CDH12: variants seen among roughly 807,000 people sequenced by gnomAD.
CDH12 encodes the protein cadherin 12, also known as cadherin-12.
CDH12 carries 41 observed loss-of-function variants against 74.1 expected under a neutral mutation model. That is an observed-to-expected ratio of 0.55 (90% CI 0.43 to 0.72). The LOEUF (loss-of-function observed/expected upper bound fraction) is 0.72, where lower values mean the gene tolerates loss of function less well. Among genes scored for constraint, CDH12 ranks in the 30% least tolerant of loss-of-function variants. CDH12 has a pLI of 0.00. For synonymous variants in CDH12, 399 were observed against 355.0 expected, an observed-to-expected ratio of 1.12 and a Z score of -1.39; for missense variants, 945 against 977.2, an observed-to-expected ratio of 0.97 and a Z score of 0.44.
Position 22,165,513 on chromosome 5 carries a change from T to TACACAC in CDH12, c.-187+46979_-187+46984dup, listed in dbSNP as rs375658781. On this transcript the variant is annotated intron_variant, in intron 4 of 14. Coordinates refer to ENST00000382254, the MANE Select transcript of CDH12 (RefSeq NM_004061.5). ...ATACACATACACATACACACACACA[T>TACACAC]ACACACACACACACACACAGACATT... 3.0e-4 allele frequency among the ~76,000 whole-genome samples: 16 copies of TACACAC among 53,846 alleles called. No individual in the cohort carries two copies. In the East Asian group the frequency reaches 7.1e-3, roughly 24 times the overall value. The allele number at this position is 53,846 out of a possible 152,430, so 35.3% of individuals were successfully genotyped here. A position where few individuals can be genotyped will look rare whatever the true frequency, so the allele number is the denominator to read the frequency against.
At chr5:21,849,737 T>C (rs1750364931) in intron 7 of CDH12, among the ~76,000 whole-genome samples, 1 of 151,764 alleles carries the variant, frequency 6.6e-6, no homozygotes, top group Admixed American at 6.6e-5. Flanking sequence ...GTTCTACAGA[T>C]TTTATTCTGA....
intron 4 of CDH12, among the ~76,000 whole-genome samples, chr5:22,132,304 A>G (rs1379337192): frequency 6.6e-6 from 1 of 151,964 alleles, no homozygotes; most frequent in Non-Finnish European, 1.5e-5. Context: ...GAAGTGATTG[A>G]GAGCACAGAG....
intron 5 of CDH12, among the ~76,000 whole-genome samples, chr5:22,068,143 G>C (rs1741691794): frequency 1.3e-5 from 2 of 152,084 alleles, no homozygotes; most frequent in Admixed American, 1.3e-4. Flanking sequence ...CATAAAGTTA[G>C]GTGAGCACAG....
chr5:22,151,690 A>G (rs540133903), intron 4 of CDH12, among the ~76,000 whole-genome samples: 9 of 152,326 alleles, frequency 5.9e-5, no homozygotes, highest in African/African-American at 2.2e-4. Flanking sequence ...AAGCAATTCC[A>G]AGACTGAAGA....
At chr5:22,251,216 G>A (rs1753119655) in intron 3 of CDH12, among the ~76,000 whole-genome samples, 1 of 152,150 alleles carries the variant, frequency 6.6e-6, no homozygotes, top group African/African-American at 2.4e-5. Flanking sequence ...GGATGAGACT[G>A]GAGTCACATT....
chr5:22,809,093 A>G (rs1053901330), intron 1 of CDH12, among the ~76,000 whole-genome samples: 2 of 152,074 alleles, frequency 1.3e-5, no homozygotes, highest in Admixed American at 6.5e-5. Context: ...AAGGCAAAAA[A>G]AAAAACTGTG....
intron 3 of CDH12, among the ~76,000 whole-genome samples, chr5:22,276,009 G>T (rs1315830242): frequency 6.6e-6 from 1 of 151,880 alleles, no homozygotes; most frequent in East Asian, 1.9e-4. Context: ...GACAACTATT[G>T]TTGGAATTGC....
intron 3 of CDH12, among the ~76,000 whole-genome samples, chr5:22,287,960 A>G (rs890570982): frequency 1.3e-5 from 2 of 152,300 alleles, no homozygotes; most frequent in African/African-American, 2.4e-5. Flanking sequence ...TTTAGCACAC[A>G]TTTGAATTGT....
rs1486838650 is a variant in CDH12, at chr5:21,751,160, TAGA to T, written c.*574_*576del. 3 of 152,704 alleles carry T rather than the reference TAGA, an allele frequency of 2.0e-5. No individual in the cohort carries two copies. The highest frequency in any genetic ancestry group is 7.2e-5 in the African/African-American group (3 of 41,448). 9.5% of individuals were successfully genotyped at this position (152,704 alleles called of 1,614,324 possible). Reference sequence around the variant, plus strand: ...AAAAGAAAAAGAAAACCTTTTGAATTAGAAGAAGGTGGAGATCAGAAAGTGTTC... The same window carrying T: ...AAAAGAAAAAGAAAACCTTTTGAATTAGAAGGTGGAGATCAGAAAGTGTTC... On this transcript the variant is annotated 3_prime_UTR_variant, in exon 15 of 15. Coordinates refer to ENST00000382254, the MANE Select transcript of CDH12 (RefSeq NM_004061.5).
chr5:22,782,350 G>A (rs1417060929), intron 1 of CDH12, among the ~76,000 whole-genome samples: 2 of 152,270 alleles, frequency 1.3e-5, no homozygotes, highest in South Asian at 2.1e-4. Flanking sequence ...GATCATGGGG[G>A]TGGTTTCCCC....
At chr5:22,336,118 C>T (rs1252139942) in intron 3 of CDH12, among the ~76,000 whole-genome samples, 2 of 152,006 alleles carry the variant, frequency 1.3e-5, no homozygotes, top group African/African-American at 4.8e-5. Flanking sequence ...GGCATTTTGC[C>T]CCTGTCCTAG....
chr5:22,187,664 A>T (rs1465984892), intron 4 of CDH12, among the ~76,000 whole-genome samples: 1 of 124,932 alleles, frequency 8.0e-6, no homozygotes, highest in Non-Finnish European at 1.9e-5. Context: ...GAAAAAAAAA[A>T]GAAAGAAAGA....
chr5:21,893,081 G>C (rs939435833), intron 6 of CDH12, among the ~76,000 whole-genome samples: 1 of 152,012 alleles, frequency 6.6e-6, no homozygotes, highest in Non-Finnish European at 1.5e-5. Flanking sequence ...AAGTTCTCCC[G>C]CATCTTGCTC....
intron 3 of CDH12, among the ~76,000 whole-genome samples, chr5:22,350,594 C>A (rs1054187723): frequency 2.6e-5 from 4 of 152,008 alleles, no homozygotes; most frequent in African/African-American, 9.7e-5. Context: ...TATAACAGGA[C>A]CTTATTTACT....
At chr5:21,803,877 T>TTATGCAGAGGAAATG (rs1374907088) in intron 9 of CDH12, among the ~76,000 whole-genome samples, 5 of 152,268 alleles carry the variant, frequency 3.3e-5, no homozygotes, top group East Asian at 3.9e-4. Context: ...TTTTATGCAT[T>TTATGCAGAGGAAATG]TCCTCTGAGG....
intron 4 of CDH12, among the ~76,000 whole-genome samples, chr5:22,153,151 C>T (rs917515553): frequency 1.9e-4 from 28 of 149,990 alleles, no homozygotes; most frequent in African/African-American, 5.4e-4. Flanking sequence ...CTGGGTCATA[C>T]GATAGTTCTT....
At chr5:21,924,287 G>A (rs528558451) in intron 6 of CDH12, among the ~76,000 whole-genome samples, 6 of 152,226 alleles carry the variant, frequency 3.9e-5, no homozygotes, top group South Asian at 2.1e-4. Flanking sequence ...CAGCACTTTC[G>A]AAGGCCGAGG....
At chr5:22,090,801 G>A (rs942745535) in intron 4 of CDH12, among the ~76,000 whole-genome samples, 2 of 151,962 alleles carry the variant, frequency 1.3e-5, no homozygotes, top group African/African-American at 4.8e-5. Context: ...TAATACCCAT[G>A]TCAATAGAAT....
intron 1 of CDH12, among the ~76,000 whole-genome samples, chr5:22,545,926 T>TTG (rs1738305550): frequency 6.6e-6 from 1 of 151,216 alleles, no homozygotes; most frequent in East Asian, 2.0e-4. Flanking sequence ...TGTCTAGATT[T>TTG]TTGTTGTTGT....
Sources: allele counts gnomAD v4.1 joint callset (sites outside exome capture counted in the v4.1 genomes callset), GRCh38; gene constraint gnomAD v4.1.1; transcripts MANE v1.5; gene names NCBI Gene and HGNC (gene_info 2026-07-23, HGNC 2026-07-21).